PPM1F: variants seen among roughly 807,000 people sequenced by gnomAD.
PPM1F encodes the protein protein phosphatase, Mg2+/Mn2+ dependent 1F.
A neutral mutation model predicts 35.5 loss-of-function variants in PPM1F; 17 were observed. The observed-to-expected ratio is 0.48, with a 90% confidence interval of 0.33 to 0.72. The LOEUF is 0.72. Among genes scored for constraint, PPM1F ranks in the 30% least tolerant of loss-of-function variants. The probability of loss-of-function intolerance (pLI) is 0.02; values close to 1 mark genes in which losing one functional copy is unlikely to be tolerated. For missense variants in PPM1F, 521 were observed against 613.0 expected, an observed-to-expected ratio of 0.85 and a Z score of 1.59; for synonymous variants, 241 against 255.5, an observed-to-expected ratio of 0.94 and a Z score of 0.54.
intron 7 of PPM1F, among the ~76,000 whole-genome samples, chr22:21,924,429 G>A (rs1464173982): frequency 6.6e-6 from 1 of 152,040 alleles, no homozygotes; most frequent in African/African-American, 2.4e-5. Context: ...CACCACGCCC[G>A]GCTAATGTTT....
chr22:21,934,821 G>T (rs761830258), intron 3 of PPM1F: 2 of 143,294 alleles, frequency 1.4e-5, no homozygotes, highest in East Asian at 2.1e-4. Context: ...GGAGGCGGAG[G>T]TTGCAGTGAG....
chr22:21,924,381 C>T (rs1389911071), intron 7 of PPM1F, among the ~76,000 whole-genome samples: 1 of 151,848 alleles, frequency 6.6e-6, no homozygotes, highest in African/African-American at 2.4e-5. Context: ...GATCCTGCTG[C>T]CTCAGCATCC....
chr22:21,945,727 C>T lies in PPM1F; in HGVS notation c.206+116G>A, dbSNP rs1048283370. On this transcript the variant is annotated intron_variant, in intron 2 of 7. Coordinates refer to ENST00000263212, the MANE Select transcript of PPM1F (RefSeq NM_014634.4). ...TTCCACATGGTGCTGCATAGGGATC[C>T]GGGGCTGCAGATCCCCGTGTGGGGC... 3.4e-5 allele frequency: 37 copies of T among 1,081,210 alleles called. No individual in the cohort carries two copies. The Middle Eastern group carries it at 9.2e-4, about 27-fold the overall frequency. The allele number at this position is 1,081,210 out of a possible 1,614,324, so 67.0% of individuals were successfully genotyped here.
Position 21,945,825 on chromosome 22 carries a change from G to T in PPM1F, c.206+18C>A, listed in dbSNP as rs371089933. The T allele has an allele frequency of 6.2e-7, 1 of 1,604,032 alleles. No individual in the cohort carries two copies. Among genetic ancestry groups the T allele is most frequent in the Admixed American group, 1.7e-5 (1 of 59,856 alleles). On this transcript the variant is annotated intron_variant, in intron 2 of 7. Coordinates refer to ENST00000263212, the MANE Select transcript of PPM1F (RefSeq NM_014634.4). ...CGTGCCCTTACTCCCCGTCCCCTTT[G>T]GGGGTGCACAGGCCTACCTGCTGCC...
At chr22:21,929,846 A>G (rs1039243813) in intron 6 of PPM1F, among the ~76,000 whole-genome samples, 1 of 152,160 alleles carries the variant, frequency 6.6e-6, no homozygotes, top group Non-Finnish European at 1.5e-5. Flanking sequence ...GCTGCCCCTG[A>G]CTGTTACAAT....
chr22:21,936,647 C>T (rs976852291), intron 3 of PPM1F: 5 of 152,416 alleles, frequency 3.3e-5, no homozygotes, highest in South Asian at 2.1e-4. Flanking sequence ...TCCCTCTCAT[C>T]GCTCAATCTG....
rs1205135195 is a variant in PPM1F at position 21,933,462 on chromosome 22, C to G, written c.676G>C (p.Asp226His). 2.5e-6 allele frequency: 4 copies of G among 1,613,504 alleles called. No individual in the cohort carries two copies. The highest frequency in any genetic ancestry group is 3.4e-6 in the Non-Finnish European group (4 of 1,180,040). The change falls in exon 5 of 8, where the codon GAC (aspartate) becomes CAC (histidine). Residue 226 changes from aspartate (D) to histidine (H), a missense_variant. Around this residue, in one of 3 missense-constraint regions of PPM1F, gnomAD observed 311 missense variants for 351.5 expected, o/e 0.88. Transcript: ENST00000263212. ...NAARQPELPT[D>H]PEGALREAFR... Reference sequence around the variant, plus strand: ...GCTTCTCTGAGGGCTCCCTCAGGGTCTGTGGGCAGCTCTGGCTGGCGGGCA... The same window carrying G: ...GCTTCTCTGAGGGCTCCCTCAGGGTGTGTGGGCAGCTCTGGCTGGCGGGCA...
rs1166823694 is a variant in PPM1F, at chr22:21,919,887, G to GGA, written c.*3203_*3204dup. On this transcript the variant is annotated 3_prime_UTR_variant, in exon 8 of 8. Transcript: ENST00000263212. The stretch of plus-strand genomic sequence containing the variant: ...GCTGGGCTCACCATAGGAGAGGAGA[G>GGA]GAGAGGGAGGGGGCCCCATACTGGC... The GGA allele has an allele frequency of 6.6e-6, 1 of 152,408 alleles. No homozygotes were observed. The highest frequency in any genetic ancestry group is 2.4e-5 in the African/African-American group (1 of 41,478). 9.4% of individuals were successfully genotyped at this position (152,408 alleles called of 1,614,324 possible).
At chr22:21,938,439 G>T in intron 3 of PPM1F, 1 of 1,151,664 alleles carries the variant, frequency 8.7e-7, no homozygotes, top group Non-Finnish European at 1.1e-6. Context: ...CAGGGCGGAG[G>T]GCAGAGGACG....
chr22:21,938,088 G>T, intron 3 of PPM1F: 15 of 1,286,566 alleles, frequency 1.2e-5, no homozygotes, highest in Non-Finnish European at 1.5e-5. Context: ...TCTGACAGAC[G>T]GGGAAGCAAG....
chr22:21,932,444 T>C (rs1371418903), intron 5 of PPM1F, among the ~76,000 whole-genome samples: 1 of 152,218 alleles, frequency 6.6e-6, no homozygotes, highest in Non-Finnish European at 1.5e-5. Context: ...CTGGCTCTGC[T>C]AATTTCCATG....
At chr22:21,952,446 A>T (rs1409986148) in intron 1 of PPM1F, 2 of 149,756 alleles carry the variant, frequency 1.3e-5, no homozygotes, top group Non-Finnish European at 3.0e-5. Context: ...CCCCCTCAGC[A>T]CCCGATTCTG....
At chr22:21,925,718 C>G (rs1280185801) in intron 6 of PPM1F, 56 bp from the exon 7 acceptor site, 3 of 1,417,078 alleles carry the variant, frequency 2.1e-6, no homozygotes, top group Non-Finnish European at 2.9e-6. Flanking sequence ...GCGTGAAGCC[C>G]CCTGCTGCTA....
chr22:21,926,084 C>T (rs1028474755), intron 6 of PPM1F: 1 of 172,160 alleles, frequency 5.8e-6, no homozygotes, highest in Non-Finnish European at 1.2e-5. Flanking sequence ...GGTCACACAG[C>T]AGGGAAGCCT....
Position 21,923,236 on chromosome 22 carries a change from C to T in PPM1F, c.1221G>A (p.Thr407=), listed in dbSNP as rs199787665. Residue 407 remains threonine, a synonymous_variant, in exon 8 of 8, where the codon ACG becomes ACA. Transcript: ENST00000263212. ...ARERGSHDNI[T]VMVVFLRDPQ... ...GGTCCCTGAGGAAGACCACCATGAC[C>T]GTGATGTTGTCGTGGGAGCCCCGCT... 78 of 1,613,520 alleles carry T rather than the reference C, an allele frequency of 4.8e-5. No homozygotes were observed. The highest frequency in any genetic ancestry group is 8.3e-5 in the Admixed American group (5 of 60,004).
chr22:21,938,303 G>A lies in PPM1F; in HGVS notation c.355+1229C>T, dbSNP rs1424785604. The A allele has an allele frequency of 5.7e-6, 7 of 1,236,548 alleles. No individual in the cohort carries two copies. The East Asian group carries it at 4.2e-4, about 75-fold the overall frequency. 76.6% of individuals were successfully genotyped at this position (1,236,548 alleles called of 1,614,324 possible). A position where few individuals can be genotyped will look rare whatever the true frequency, so the allele number is the denominator to read the frequency against. Reference sequence around the variant, plus strand: ...CCCCTTGGTGGGGCCGCAGAGCGGAGGAGCAGCAGCTGCCACCGGCCGGAA... The same window carrying A: ...CCCCTTGGTGGGGCCGCAGAGCGGAAGAGCAGCAGCTGCCACCGGCCGGAA... On this transcript the variant is annotated intron_variant, in intron 3 of 7. Coordinates refer to ENST00000263212, the MANE Select transcript of PPM1F (RefSeq NM_014634.4).
intron 7 of PPM1F, 188 bp downstream of exon 7, chr22:21,925,381 C>G (rs1157719495): frequency 5.3e-6 from 3 of 565,174 alleles, no homozygotes; most frequent in Non-Finnish European, 9.8e-6. Context: ...TACACTCAGA[C>G]ACTGGTGCTG....
rs2070468010 is a variant in PPM1F, at chr22:21,923,207, T to TG, written c.1249dup (p.Gln417ProfsTer31). On this transcript the variant is annotated frameshift_variant, in exon 8 of 8. Coordinates refer to ENST00000263212, the MANE Select transcript of PPM1F (RefSeq NM_014634.4). LOFTEE classifies it low-confidence loss of function (END_TRUNC). ...CTGGTTCCCGCCCTCCAGCAGCTCT[T>TG]GGGGGTCCCTGAGGAAGACCACCAT... 6.2e-7 allele frequency: 1 copy of TG among 1,613,324 alleles called. No homozygotes were observed. Among genetic ancestry groups the TG allele is most frequent in the African/African-American group, 1.3e-5 (1 of 74,838 alleles).
intron 5 of PPM1F, among the ~76,000 whole-genome samples, chr22:21,931,502 G>GTTTATTTATTTATTTA (rs58214157): frequency 6.6e-6 from 1 of 151,298 alleles, no homozygotes; most frequent in African/African-American, 2.4e-5. Context: ...CAATAAAGAT[G>GTTTATTTATTTATTTA]TTTATTTATT....
Sources: allele counts gnomAD v4.1 joint callset (sites outside exome capture counted in the v4.1 genomes callset), GRCh38; gene constraint gnomAD v4.1.1; regional missense constraint gnomAD v4.1.1; transcripts MANE v1.5; gene names NCBI Gene and HGNC (gene_info 2026-07-23, HGNC 2026-07-21).